Variants in ARHGAP25 observed in about 807,000 individuals in gnomAD.
ARHGAP25 encodes the protein Rho GTPase activating protein 25.
ARHGAP25 carries 34 observed loss-of-function variants against 71.0 expected under a neutral mutation model. The ratio of observed to expected loss-of-function variants is 0.48; its 90% CI spans 0.36 to 0.64. The LOEUF (loss-of-function observed/expected upper bound fraction) is 0.64, where lower values mean the gene tolerates loss of function less well. Ranked by LOEUF, ARHGAP25 falls within the 30% of genes least tolerant of loss-of-function variation. ARHGAP25 has a pLI of 0.00. For synonymous variants in ARHGAP25, 282 were observed against 296.5 expected (o/e 0.95, Z 0.50); for missense variants, 706 against 805.1 (o/e 0.88, Z 1.49).
At chr2:68,781,756 A>G (rs1157597485) in intron 2 of ARHGAP25, among the ~76,000 whole-genome samples, 1 of 152,226 alleles carries the variant, frequency 6.6e-6, no homozygotes, top group East Asian at 1.9e-4. Flanking sequence ...TACATGAATA[A>G]TACATTCAAG....
At chr2:68,727,841 GAGA>G (rs750938120) in intron 2 of ARHGAP25, among the ~76,000 whole-genome samples, 3 of 152,262 alleles carry the variant, frequency 2.0e-5, no homozygotes, top group Non-Finnish European at 4.4e-5. Context: ...GAGCTCGATG[GAGA>G]AGGAGAGGGA....
At chr2:68,718,146 TAA>T (rs4071640) in intron 2 of ARHGAP25, among the ~76,000 whole-genome samples, 15 of 144,792 alleles carry the variant, frequency 1.0e-4, no homozygotes, top group African/African-American at 3.0e-4. Flanking sequence ...GCAGATTTGT[TAA>T]AAAAAAAAAA....
At position 68,775,374 on chromosome 2, in the gene ARHGAP25, C is replaced by T. The variant is rs201284610; in HGVS notation, c.215C>T (p.Ala72Val). Residue 72 changes from alanine (A) to valine (V), a missense_variant, in exon 2 of 11, where the codon GCG (alanine) becomes GTG (valine). By Grantham distance (64) the Ala-to-Val change is moderately conservative. Coordinates refer to ENST00000409202, the MANE Select transcript of ARHGAP25 (RefSeq NM_001007231.3). ...CAGCAGAGGTACTTTGTGCTGAGGG[C>T]GCAGCAGCTCTACTACTACAAGGAT... is the stretch of plus-strand genomic sequence containing the variant. ...NWQQRYFVLR[A>V]QQLYYYKDEE... 13 of 1,614,196 alleles carry T rather than the reference C, an allele frequency of 8.1e-6. No individual in the cohort carries two copies. Among genetic ancestry groups the T allele is most frequent in the East Asian group, 6.7e-5 (3 of 44,884 alleles).
intron 1 of ARHGAP25, among the ~76,000 whole-genome samples, chr2:68,741,877 A>C (rs1385006830): frequency 6.6e-6 from 1 of 152,254 alleles, no homozygotes; most frequent in African/African-American, 2.4e-5. Flanking sequence ...TCTTCAGTAC[A>C]TTCAGACCAG....
chr2:68,809,218 C>T (rs985045848), intron 5 of ARHGAP25, among the ~76,000 whole-genome samples: 2 of 152,062 alleles, frequency 1.3e-5, no homozygotes, highest in Non-Finnish European at 2.9e-5. Flanking sequence ...CTCTCTCCAC[C>T]CCCTTTTATA....
In ARHGAP25 at chr2:68,775,439, G is replaced by T. The variant is rs1288533053; in HGVS notation, c.261+19G>T. 6.2e-7 allele frequency: 1 copy of T among 1,614,094 alleles called. No individual in the cohort carries two copies. The highest frequency in any genetic ancestry group is 8.5e-7 in the Non-Finnish European group (1 of 1,179,940). On this transcript the variant is annotated intron_variant, in intron 2 of 10. Coordinates refer to ENST00000409202, the MANE Select transcript of ARHGAP25 (RefSeq NM_001007231.3). ...GCCCCAGGTACCAGCCAGGCTGTTTGTCCCGTTCATAAGGCACGGAGGAGG... is the reference window on the plus strand; with the variant it reads ...GCCCCAGGTACCAGCCAGGCTGTTTTTCCCGTTCATAAGGCACGGAGGAGG...
chr2:68,730,291 C>T (rs1031268570), upstream of ARHGAP25, among the ~76,000 whole-genome samples: 1 of 152,248 alleles, frequency 6.6e-6, no homozygotes, highest in Middle Eastern at 3.4e-3. Flanking sequence ...TTTTAAAACA[C>T]TTGTATGGTG....
chr2:68,826,210 T>G lies in ARHGAP25; in HGVS notation c.*16T>G. The G allele has an allele frequency of 6.2e-7, 1 of 1,612,828 alleles. No individual in the cohort carries two copies. Among genetic ancestry groups the G allele is most frequent in the Non-Finnish European group, 8.5e-7 (1 of 1,178,838 alleles). On this transcript the variant is annotated 3_prime_UTR_variant, in exon 11 of 11. Transcript: ENST00000409202. ...CGAGGCTTAAGGGTCCCAGGAGTACTGCAGGGACAGCCCCAGAGAGGCCCA... is the reference window on the plus strand; with the variant it reads ...CGAGGCTTAAGGGTCCCAGGAGTACGGCAGGGACAGCCCCAGAGAGGCCCA...
intron 2 of ARHGAP25, among the ~76,000 whole-genome samples, chr2:68,780,124 A>G (rs936378002): frequency 2.0e-5 from 3 of 152,270 alleles, no homozygotes; most frequent in Non-Finnish European, 2.9e-5. Flanking sequence ...CCAATGGGGA[A>G]GAATAACAGT....
intron 1 of ARHGAP25, among the ~76,000 whole-genome samples, chr2:68,773,642 C>T (rs1558626876): frequency 6.6e-6 from 1 of 152,110 alleles, no homozygotes; most frequent in African/African-American, 2.4e-5. Context: ...CGTATACCCC[C>T]TGAATATATT....
At chr2:68,764,477 T>C (rs758185201) in intron 1 of ARHGAP25, among the ~76,000 whole-genome samples, 1 of 152,202 alleles carries the variant, frequency 6.6e-6, no homozygotes, top group Non-Finnish European at 1.5e-5. Flanking sequence ...CCCTCTCTGT[T>C]GAAGGAAAGT....
At chr2:68,807,559 T>A (rs1261772427) in intron 5 of ARHGAP25, 79 bp downstream of exon 5, 1 of 1,409,556 alleles carries the variant, frequency 7.1e-7, no homozygotes, top group African/African-American at 1.4e-5. Flanking sequence ...CCATTCCAGT[T>A]GAGCTATGGG....
At chr2:68,743,728 G>T (rs1414949376) in intron 1 of ARHGAP25, among the ~76,000 whole-genome samples, 3 of 151,968 alleles carry the variant, frequency 2.0e-5, no homozygotes, top group African/African-American at 7.3e-5. Context: ...CTTGATTTTG[G>T]CACTGATCTT....
intron 1 of ARHGAP25, among the ~76,000 whole-genome samples, chr2:68,750,705 T>G (rs549485612): frequency 6.6e-6 from 1 of 152,278 alleles, no homozygotes; most frequent in South Asian, 2.1e-4. Context: ...TGCCCTGAAT[T>G]AGTTAAAGGC....
Position 68,826,242 on chromosome 2 carries a change from G to GC in ARHGAP25, c.*52dup, listed in dbSNP as rs1558672222. 1 of 1,564,682 alleles carries GC rather than the reference G, an allele frequency of 6.4e-7. No individual in the cohort carries two copies. Among genetic ancestry groups the GC allele is most frequent in the East Asian group, 2.2e-5 (1 of 44,620 alleles). On this transcript the variant is annotated 3_prime_UTR_variant, in exon 11 of 11. Coordinates refer to ENST00000409202, the MANE Select transcript of ARHGAP25 (RefSeq NM_001007231.3). ...ACAGCCCCAGAGAGGCCCAACTCTG[G>GC]CCCCTTTCTCAGTGCTATCTGATGA...
intron 5 of ARHGAP25, among the ~76,000 whole-genome samples, chr2:68,808,686 A>G (rs1017687774): frequency 1.3e-5 from 2 of 152,216 alleles, no homozygotes; most frequent in Non-Finnish European, 2.9e-5. Context: ...CACTTGTTCC[A>G]TTATGCTCAC....
chr2:68,739,013 A>G (rs570102510), intron 1 of ARHGAP25, among the ~76,000 whole-genome samples: 1 of 152,258 alleles, frequency 6.6e-6, no homozygotes, highest in South Asian at 2.1e-4. Context: ...AATTCTCTCC[A>G]CGAAGTGCAT....
At chr2:68,768,839 T>G (rs968352554) in intron 1 of ARHGAP25, among the ~76,000 whole-genome samples, 1 of 152,190 alleles carries the variant, frequency 6.6e-6, no homozygotes, top group Non-Finnish European at 1.5e-5. Context: ...ACCTGCCTGT[T>G]CAAACTGGCC....
At chr2:68,720,316 C>CAAAAAAAAAAAAAAAAAAAAAA (rs11314943) in intron 2 of ARHGAP25, among the ~76,000 whole-genome samples, 3 of 75,652 alleles carry the variant, frequency 4.0e-5, no homozygotes, top group Admixed American at 1.3e-4. Context: ...ACATTTCAGT[C>CAAAAAAAAAAAAAAAAAAAAAA]AAAAAAAAAA....
Sources: allele counts gnomAD v4.1 joint callset (sites outside exome capture counted in the v4.1 genomes callset), GRCh38; gene constraint gnomAD v4.1.1; transcripts MANE v1.5; gene names NCBI Gene and HGNC (gene_info 2026-07-23, HGNC 2026-07-21).